Variants in IKBKB observed in about 807,000 individuals in gnomAD.
IKBKB encodes inhibitor of nuclear factor kappa B kinase subunit beta, also known as inhibitor of nuclear factor kappa-B kinase subunit beta.
A neutral mutation model predicts 113.6 loss-of-function variants in IKBKB; 42 were observed. That is an observed-to-expected ratio of 0.37 (90% confidence interval 0.29 to 0.48). The LOEUF (loss-of-function observed/expected upper bound fraction) is 0.48, where lower values mean the gene tolerates loss of function less well. Ranked by LOEUF, IKBKB falls within the 20% of genes least tolerant of loss-of-function variation. The probability of loss-of-function intolerance (pLI) is 0.99; values close to 1 mark genes in which losing one functional copy is unlikely to be tolerated. For missense variants in IKBKB, 673 were observed against 939.7 expected (o/e 0.72, Z 3.71); for synonymous variants, 296 against 361.3 (o/e 0.82, Z 2.05).
rs17875717 is a variant in IKBKB, at chr8:42,319,711, A to G, written c.1578+65A>G. The G allele has an allele frequency of 9.9e-4, 1,310 of 1,317,972 alleles. 12 individuals carry two copies. In the African/African-American group the frequency reaches 0.017, roughly 18 times the overall value. The allele number at this position is 1,317,972 out of a possible 1,614,324, so 81.6% of individuals were successfully genotyped here. On this transcript the variant is annotated intron_variant, in intron 15 of 21. Transcript: ENST00000520810. ...GTGAGATTTTGTGCTCCCACTTTTC[A>G]CTTTCTCATCAAACACTGGGTCGAT...
At chr8:42,290,609 T>C (rs1046645506) in intron 4 of IKBKB, among the ~76,000 whole-genome samples, 3 of 152,222 alleles carry the variant, frequency 2.0e-5, no homozygotes, top group Non-Finnish European at 4.4e-5. Flanking sequence ...TCCCTGGGCA[T>C]GTTAGGGCCA....
chr8:42,295,671 A>C (rs569476710), intron 5 of IKBKB, among the ~76,000 whole-genome samples: 24 of 152,104 alleles, frequency 1.6e-4, no homozygotes, highest in Non-Finnish European at 3.5e-4. Flanking sequence ...GGTTGCAGTA[A>C]GCCGAGATTG....
chr8:42,320,808 C>T lies in IKBKB; in HGVS notation c.1652C>T (p.Pro551Leu). 6.2e-7 allele frequency: 1 copy of T among 1,606,696 alleles called. No homozygotes were observed. The highest frequency in any genetic ancestry group is 8.5e-7 in the Non-Finnish European group (1 of 1,176,346). ...QTDIVDLQRS[P>L]MGRKQGGTLD... The stretch of plus-strand genomic sequence containing the variant: ...GACATTGTGGACTTACAGAGGAGCC[C>T]CATGGGCCGGAAGCAGGGGGGAACG... The change falls in exon 16 of 22, where the codon CCC (proline) becomes CTC (leucine). Residue 551 changes from proline to leucine, a missense_variant. This residue lies in a region of IKBKB where 506 missense variants were observed against 638.7 expected (regional missense o/e 0.79). Transcript: ENST00000520810.
chr8:42,280,504 C>G (rs569833851), intron 2 of IKBKB, among the ~76,000 whole-genome samples: 4 of 152,208 alleles, frequency 2.6e-5, no homozygotes, highest in African/African-American at 4.8e-5. Context: ...GATACTCAGT[C>G]ACACAGACCT....
At chr8:42,322,290 C>G in intron 18 of IKBKB, 57 bp from the exon 19 acceptor site, 1 of 1,607,788 alleles carries the variant, frequency 6.2e-7, no homozygotes. Flanking sequence ...ACAGCTGCCA[C>G]AGGTTCTGCT....
intron 19 of IKBKB, 46 bp downstream of exon 19, chr8:42,322,540 G>A (rs199795643): frequency 6.9e-6 from 11 of 1,604,516 alleles, no homozygotes; most frequent in Middle Eastern, 1.9e-4. Context: ...GCAGCCTCCT[G>A]TGCCTTTCCA....
chr8:42,304,293 T>C (rs1298492157), intron 5 of IKBKB, among the ~76,000 whole-genome samples: 1 of 152,244 alleles, frequency 6.6e-6, no homozygotes, highest in East Asian at 1.9e-4. Flanking sequence ...ATTTATTTCA[T>C]TTCTTTCTTT....
At chr8:42,301,025 A>C (rs1336300414) in intron 5 of IKBKB, among the ~76,000 whole-genome samples, 1 of 151,506 alleles carries the variant, frequency 6.6e-6, no homozygotes. Flanking sequence ...GGCTAATTAA[A>C]ATTTTTTTTT....
rs549590968 is a variant in IKBKB, at chr8:42,295,380, AAGTGCCGAGATTACAGGCATGAGCCAC to A, written c.388+1871_388+1897del. On this transcript the variant is annotated intron_variant, in intron 5 of 21. Coordinates refer to ENST00000520810, the MANE Select transcript of IKBKB (RefSeq NM_001556.3). The stretch of plus-strand genomic sequence containing the variant: ...GTGATCTGCCCATCTCAGCTTCCCA[AAGTGCCGAGATTACAGGCATGAGCCAC>A]AGCACCTGGCCAAAAGTCTTTAAAT... Among the ~76,000 whole-genome samples, 628 of 152,272 alleles carry A rather than the reference AAGTGCCGAGATTACAGGCATGAGCCAC, an allele frequency of 4.1e-3. 12 individuals carry two copies. Among genetic ancestry groups the A allele is most frequent in the Non-Finnish European group, 8.4e-4 (57 of 68,014 alleles).
In IKBKB at chr8:42,332,444, T is replaced by C. The variant is rs199692851; in HGVS notation, c.*1465T>C. ...AACTAGCATTTAATAAAGCACAATT[T>C]TGGAAACCCTGGTAAATGACAGTGG... On this transcript the variant is annotated 3_prime_UTR_variant, in exon 22 of 22. Coordinates refer to ENST00000520810, the MANE Select transcript of IKBKB (RefSeq NM_001556.3). 3 of 152,166 alleles carry C rather than the reference T, an allele frequency of 2.0e-5. No individual in the cohort carries two copies. Among genetic ancestry groups the C allele is most frequent in the Non-Finnish European group, 4.4e-5 (3 of 68,026 alleles). The allele number at this position is 152,166 out of a possible 1,614,324, so 9.4% of individuals were successfully genotyped here.
intron 2 of IKBKB, among the ~76,000 whole-genome samples, chr8:42,284,720 G>A (rs1811060802): frequency 6.6e-6 from 1 of 152,156 alleles, no homozygotes; most frequent in Admixed American, 6.6e-5. Context: ...ACAGAACTGG[G>A]CAAAAATGTG....
intron 16 of IKBKB, chr8:42,321,085 G>A (rs915098749): frequency 6.1e-5 from 25 of 409,426 alleles, no homozygotes; most frequent in South Asian, 1.7e-4. Context: ...CATTTGAGAC[G>A]CAGGCCATAA....
Position 42,314,117 on chromosome 8 carries a change from C to T in IKBKB, c.693-205C>T, listed in dbSNP as rs1022500390. The T allele has an allele frequency of 8.9e-6, 5 of 564,420 alleles. No individual in the cohort carries two copies. In the East Asian group the frequency reaches 1.5e-4, roughly 17 times the overall value. The allele number at this position is 564,420 out of a possible 1,614,324, so 35.0% of individuals were successfully genotyped here. A position where few individuals can be genotyped will look rare whatever the true frequency, so the allele number is the denominator to read the frequency against. ...CTTACCATTGTGTTACCCTGGCCTA[C>T]AGTATTCAGTACCGGAGCATGCTGT... On this transcript the variant is annotated intron_variant, in intron 8 of 21. Transcript: ENST00000520810.
rs1047230219 is a variant in IKBKB, at chr8:42,331,005, T to C, written c.*26T>C. The C allele has an allele frequency of 6.2e-6, 10 of 1,602,450 alleles. No individual in the cohort carries two copies. Among genetic ancestry groups the C allele is most frequent in the Non-Finnish European group, 8.5e-6 (10 of 1,171,680 alleles). On this transcript the variant is annotated 3_prime_UTR_variant, in exon 22 of 22. Coordinates refer to ENST00000520810, the MANE Select transcript of IKBKB (RefSeq NM_001556.3). ...TGTGGGGGGACTCGACCCCCTGACA[T>C]GGGGCAGCCCATAGCAGGCCTTGTG... is the stretch of plus-strand genomic sequence containing the variant.
At chr8:42,305,777 A>G (rs1055540133) in intron 6 of IKBKB, among the ~76,000 whole-genome samples, 45 of 152,226 alleles carry the variant, frequency 3.0e-4, no homozygotes, top group Admixed American at 8.5e-4. Flanking sequence ...CTGCCCCACA[A>G]GCTTGACATT....
At chr8:42,273,717 T>G (rs1314496400) in intron 2 of IKBKB, among the ~76,000 whole-genome samples, 2 of 150,838 alleles carry the variant, frequency 1.3e-5, no homozygotes, top group African/African-American at 2.4e-5. Flanking sequence ...CAGCTGAGGT[T>G]TTTTTTTTAT....
At chr8:42,280,350 G>A (rs570122457) in intron 2 of IKBKB, among the ~76,000 whole-genome samples, 4 of 152,200 alleles carry the variant, frequency 2.6e-5, no homozygotes, top group South Asian at 4.1e-4. Flanking sequence ...TCCAGCCCAG[G>A]GGTCAGCACA....
intron 5 of IKBKB, among the ~76,000 whole-genome samples, chr8:42,302,252 T>C (rs1426132557): frequency 1.3e-5 from 2 of 152,240 alleles, no homozygotes; most frequent in African/African-American, 4.8e-5. Flanking sequence ...ATAAAAGTGC[T>C]GATGAGAAGC....
intron 4 of IKBKB, among the ~76,000 whole-genome samples, chr8:42,291,795 G>A (rs1812696693): frequency 6.6e-6 from 1 of 152,110 alleles, no homozygotes; most frequent in African/African-American, 2.4e-5. Context: ...AGCCAGATGT[G>A]GTGGTGTGCG....
Sources: gnomAD v4.1 joint callset for allele counts (sites outside exome capture counted in the v4.1 genomes callset) on GRCh38, gnomAD v4.1.1 for gene constraint, gnomAD v4.1.1 regional missense constraint, MANE v1.5 for transcripts, NCBI Gene and HGNC (gene_info 2026-07-23, HGNC 2026-07-21) for gene names.